The following TACC2 variants were observed in gnomAD, a reference collection of about 807,000 sequenced individuals.
TACC2 encodes transforming acidic coiled-coil containing protein 2, also known as transforming acidic coiled-coil-containing protein 2.
A neutral mutation model predicts 227.3 loss-of-function variants in TACC2; 137 were observed. The ratio of observed to expected loss-of-function variants is 0.60; its 90% confidence interval spans 0.52 to 0.69. TACC2 has a LOEUF of 0.69. TACC2 is among the 30% of genes least tolerant of loss of function. The pLI is 0.00. For missense variants in TACC2, 3,470 were observed against 3,694.4 expected, an observed-to-expected ratio of 0.94 and a Z score of 1.57; for synonymous variants, 1,523 against 1,487.5, an observed-to-expected ratio of 1.02 and a Z score of -0.55.
At chr10:121,998,346 T>C (rs529844623) in intron 1 of TACC2, among the ~76,000 whole-genome samples, 1 of 151,862 alleles carries the variant, frequency 6.6e-6, no homozygotes, top group East Asian at 1.9e-4. Context: ...AGACTCCTTT[T>C]TGGGGGCCTG....
In TACC2 at chr10:122,115,197, AAC is replaced by A. The variant is rs530102708; in HGVS notation, c.5574-17408_5574-17407del. On this transcript the variant is annotated intron_variant, in intron 5 of 22. Transcript: ENST00000369005. ...GTTCACAATGCCACGCCACAAGAGTAACACAGAGCCTGGGAGGTAGATGGTGG... is the reference window on the plus strand; with the variant it reads ...GTTCACAATGCCACGCCACAAGAGTAACAGAGCCTGGGAGGTAGATGGTGG... Among the ~76,000 whole-genome samples, 573 of 152,330 alleles carry A rather than the reference AAC, an allele frequency of 3.8e-3. 9 individuals are homozygous for A. Among genetic ancestry groups the A allele is most frequent in the African/African-American group, 0.01 (419 of 41,564 alleles).
At chr10:122,156,255 G>A (rs1263528051) in intron 7 of TACC2, among the ~76,000 whole-genome samples, 2 of 139,522 alleles carry the variant, frequency 1.4e-5, no homozygotes, top group Non-Finnish European at 3.1e-5. Flanking sequence ...ACAGAGTCTT[G>A]CTCTGTCACA....
At chr10:122,008,872 C>T (rs564751675) in intron 1 of TACC2, among the ~76,000 whole-genome samples, 3 of 152,344 alleles carry the variant, frequency 2.0e-5, no homozygotes, top group East Asian at 1.9e-4. Context: ...CATGCCCAGC[C>T]GTACATATCC....
chr10:122,089,711 G>T, intron 5 of TACC2, among the ~76,000 whole-genome samples: 1 of 151,766 alleles, frequency 6.6e-6, no homozygotes, highest in African/African-American at 2.4e-5. Flanking sequence ...TAGTACCTGT[G>T]TACCCTACCA....
At chr10:122,155,669 G>A (rs561287595) in intron 7 of TACC2, among the ~76,000 whole-genome samples, 1 of 152,246 alleles carries the variant, frequency 6.6e-6, no homozygotes, top group East Asian at 1.9e-4. Context: ...CCACGTGTCT[G>A]CTGTGGGCCA....
At chr10:122,228,068 G>A (rs2095662384) in intron 14 of TACC2, 60 bp downstream of exon 14, 1 of 1,544,538 alleles carries the variant, frequency 6.5e-7, no homozygotes, top group African/African-American at 1.4e-5. Context: ...GCTGCGTATT[G>A]TCACCAAGAA....
At chr10:122,229,875 A>G (rs1195234397) in intron 15 of TACC2, among the ~76,000 whole-genome samples, 2 of 152,212 alleles carry the variant, frequency 1.3e-5, no homozygotes, top group Non-Finnish European at 2.9e-5. Flanking sequence ...ATCTGGGCTC[A>G]GTCTTGCATC....
At chr10:122,207,523 A>G (rs781072117) in intron 8 of TACC2, among the ~76,000 whole-genome samples, 2 of 152,198 alleles carry the variant, frequency 1.3e-5, no homozygotes, top group Non-Finnish European at 2.9e-5. Context: ...GCCTACTGGC[A>G]TCCATTGTGT....
Position 122,054,369 on chromosome 10 carries a change from CT to C in TACC2, c.146+3822del, listed in dbSNP as rs1191098904. Among the ~76,000 whole-genome samples, 4 of 152,240 alleles carry C rather than the reference CT, an allele frequency of 2.6e-5. 1 individual carries two copies. The highest frequency in any genetic ancestry group is 2.6e-4 in the Admixed American group (4 of 15,278). ...GTGAAGCTTAACCCCAGTAGCATCT[CT>C]TTCTGCTCAGCAGTGTCCATGCCAG... On this transcript the variant is annotated intron_variant, in intron 3 of 22. Coordinates refer to ENST00000369005, the MANE Select transcript of TACC2 (RefSeq NM_206862.4).
chr10:122,211,652 A>T lies in TACC2; in HGVS notation c.7227A>T (p.Gly2409=), dbSNP rs770159087. The T allele has an allele frequency of 2.5e-6, 4 of 1,605,210 alleles. No homozygotes were observed. In the South Asian group the frequency reaches 4.5e-5, roughly 18 times the overall value. The change falls in exon 9 of 23, where the codon GGA becomes GGT. Residue 2409 remains glycine, a synonymous_variant. Coordinates refer to ENST00000369005, the MANE Select transcript of TACC2 (RefSeq NM_206862.4). ...EIPASAMEAN[G]VDGDGLNKPA... The stretch of plus-strand genomic sequence containing the variant: ...CAGCCAGTGCTATGGAAGCCAATGG[A>T]GTGGACGGGGATGGGCTAAACAAGC...
intron 8 of TACC2, among the ~76,000 whole-genome samples, chr10:122,201,176 T>C (rs1427058825): frequency 1.1e-3 from 147 of 133,538 alleles, no homozygotes; most frequent in African/African-American, 3.2e-3. Context: ...CCACCTCACC[T>C]GCCCACAGTG....
chr10:122,133,824 T>TG (rs1201107838), intron 6 of TACC2, among the ~76,000 whole-genome samples: 2 of 152,172 alleles, frequency 1.3e-5, no homozygotes, highest in Non-Finnish European at 2.9e-5. Context: ...TTCACTAGAC[T>TG]GGGAACTCCT....
At chr10:122,191,903 A>C (rs570698928) in intron 7 of TACC2, among the ~76,000 whole-genome samples, 1 of 152,320 alleles carries the variant, frequency 6.6e-6, no homozygotes, top group African/African-American at 2.4e-5. Context: ...AATATCAAAC[A>C]GCCGGTGGGA....
rs113183005 is a variant in TACC2 at position 122,118,864 on chromosome 10, C to T, written c.5574-13745C>T. Among the ~76,000 whole-genome samples, 1,136 of 152,282 alleles carry T rather than the reference C, an allele frequency of 7.5e-3. 17 individuals carry two copies. The highest frequency in any genetic ancestry group is 0.025 in the African/African-American group (1,038 of 41,572). On this transcript the variant is annotated intron_variant, in intron 5 of 22. Transcript: ENST00000369005. ...TGGCCTGAATTAAGTGTTAGCTAGA[C>T]AGATCTGGTGGCAGAGGCTATTAAT...
At chr10:122,163,271 G>A (rs2092930530) in intron 7 of TACC2, among the ~76,000 whole-genome samples, 1 of 151,976 alleles carries the variant, frequency 6.6e-6, no homozygotes, top group African/African-American at 2.4e-5. Context: ...TTAGTCCTGG[G>A]CCGGGAGAGA....
At position 122,238,038 on chromosome 10, in the gene TACC2, GTCAGT is replaced by G. The variant is rs781682479; in HGVS notation, c.8348+3_8348+7del. 5 of 1,613,776 alleles carry G rather than the reference GTCAGT, an allele frequency of 3.1e-6. No homozygotes were observed. Among genetic ancestry groups the G allele is most frequent in the Middle Eastern group, 1.6e-4 (1 of 6,082 alleles). ...GCAGGCGGGAAGTGATGGAAATGAG[GTCAGT>G]TGGGGAGCTGGGCCTTCCTCGTGCC... On this transcript the variant is annotated splice_donor_variant and splice_donor_5th_base_variant and intron_variant, in intron 18 of 22. Coordinates refer to ENST00000369005, the MANE Select transcript of TACC2 (RefSeq NM_206862.4). LOFTEE classifies it high-confidence loss of function.
At chr10:122,232,966 A>G (rs2095788010) in intron 16 of TACC2, among the ~76,000 whole-genome samples, 2 of 152,316 alleles carry the variant, frequency 1.3e-5, no homozygotes, top group African/African-American at 4.8e-5. Context: ...ATCATATTGC[A>G]TGGATGAAAA....
At chr10:122,117,652 G>A (rs181366783) in intron 5 of TACC2, among the ~76,000 whole-genome samples, 198 of 152,254 alleles carry the variant, frequency 1.3e-3, no homozygotes, top group Non-Finnish European at 2.0e-3. Context: ...TTACAGTCCC[G>A]CTAATTCTTG....
At chr10:122,048,370 C>G (rs2075270950) in intron 2 of TACC2, among the ~76,000 whole-genome samples, 1 of 151,438 alleles carries the variant, frequency 6.6e-6, no homozygotes, top group Non-Finnish European at 1.5e-5. Context: ...AGGAATGGAG[C>G]CTTATTTTTT....
Sources: allele counts gnomAD v4.1 joint callset (sites outside exome capture counted in the v4.1 genomes callset), GRCh38; gene constraint gnomAD v4.1.1; transcripts MANE v1.5; gene names NCBI Gene and HGNC (gene_info 2026-07-23, HGNC 2026-07-21).